Variants in COPG1 observed in about 807,000 individuals in gnomAD.
The protein encoded by COPG1 is coat protein complex I subunit gamma 1, also known as coatomer subunit gamma-1.
A neutral mutation model predicts 102.8 loss-of-function variants in COPG1; 29 were observed. The observed-to-expected ratio is 0.28, with a 90% CI of 0.21 to 0.38. The LOEUF (loss-of-function observed/expected upper bound fraction) is 0.38. COPG1 is among the 10% of genes least tolerant of loss of function. COPG1 has a pLI of 1.00. For missense variants in COPG1, 875 were observed against 1,132.7 expected, an observed-to-expected ratio of 0.77 and a Z score of 3.27; for synonymous variants, 406 against 421.6, an observed-to-expected ratio of 0.96 and a Z score of 0.45.
At position 129,277,393 on chromosome 3, in the gene COPG1, C is replaced by A; in HGVS notation, c.2594C>A (p.Pro865Gln). 1 of 1,613,924 alleles carries A rather than the reference C, an allele frequency of 6.2e-7. No individual in the cohort carries two copies. The highest frequency in any genetic ancestry group is 8.5e-7 in the Non-Finnish European group (1 of 1,179,952). ...QVTARSLEEL[P>Q]VDIILASVG ...ACAGCCAGAAGTTTGGAGGAGCTGCCAGTAGACATCATCTTGGCATCTGTG... is the reference window on the plus strand; with the variant it reads ...ACAGCCAGAAGTTTGGAGGAGCTGCAAGTAGACATCATCTTGGCATCTGTG... Residue 865 changes from proline to glutamine, a missense_variant, in exon 24 of 24, where the codon CCA becomes CAA. Physicochemically the swap from Pro to Gln is moderately conservative, Grantham distance 76 (BLOSUM62 -1). Transcript: ENST00000314797.
rs6439163 is a variant in COPG1, at chr3:129,271,574, A to G, written c.1844-193A>G. ...GAGTATTTGTGGGGGGTTGTGCCAC[A>G]TGAGCGAAGTCAGGGAGATGAGAAA... is the stretch of plus-strand genomic sequence containing the variant. On this transcript the variant is annotated intron_variant, in intron 18 of 23. Transcript: ENST00000314797. The surrounding 1 kb of genome is among the most constrained non-coding windows in gnomAD (Gnocchi z 4.7). Among the ~76,000 whole-genome samples, 16,304 of 152,166 alleles carry G rather than the reference A, an allele frequency of 0.11. 2,467 individuals are homozygous for G. Among genetic ancestry groups the G allele is most frequent in the African/African-American group, 0.34 (13,910 of 41,422 alleles).
intron 5 of COPG1, among the ~76,000 whole-genome samples, chr3:129,253,868 C>T (rs1483749201): frequency 1.3e-5 from 2 of 151,956 alleles, no homozygotes; most frequent in East Asian, 1.9e-4. Context: ...GGTGTGGTGG[C>T]GCACACCTAT....
chr3:129,265,959 A>G (rs1369937491), intron 14 of COPG1, among the ~76,000 whole-genome samples, 167 bp downstream of exon 14: 1 of 150,504 alleles, frequency 6.6e-6, no homozygotes, highest in Non-Finnish European at 1.5e-5. Flanking sequence ...CTAGTTGAAC[A>G]GTTCTTTGTT....
Position 129,260,634 on chromosome 3 carries a change from C to T in COPG1, c.955C>T (p.Pro319Ser). ...CCCAAAACAGGTTGCCATGAAGCATCCGTCAGCTGTGACAGCTTGTAATCT... is the reference window on the plus strand; with the variant it reads ...CCCAAAACAGGTTGCCATGAAGCATTCGTCAGCTGTGACAGCTTGTAATCT... ...RTLNKVAMKH[P>S]SAVTACNLDL... The change falls in exon 12 of 24, where the codon CCG (proline) becomes TCG (serine). Residue 319 changes from proline to serine, a missense_variant. By Grantham distance (74) the Pro-to-Ser change is moderately conservative. Transcript: ENST00000314797. 6.2e-7 allele frequency: 1 copy of T among 1,614,166 alleles called. No homozygotes were observed. The highest frequency in any genetic ancestry group is 8.5e-7 in the Non-Finnish European group (1 of 1,180,028).
chr3:129,255,922 G>T, intron 7 of COPG1, 146 bp from the exon 8 acceptor site: 1 of 617,884 alleles, frequency 1.6e-6, no homozygotes, highest in Non-Finnish European at 2.9e-6. Context: ...ATTGAGGGTG[G>T]GAGCATCCTG....
In COPG1 at chr3:129,257,602, A is replaced by C. The variant is rs747788979; in HGVS notation, c.712A>C (p.Lys238Gln). Reference protein sequence around the residue: ...AYCMMIRVASKQLEEEDGSRD... With the variant: ...AYCMMIRVASQQLEEEDGSRD... ...CTGCATGATGATCCGGGTGGCCAGC[A>C]AGCAGCTGGAAGAGGAGGATGGCAG... Residue 238 changes from lysine (K) to glutamine (Q), a missense_variant, in exon 9 of 24, where the codon AAG (lysine) becomes CAG (glutamine). Coordinates refer to ENST00000314797, the MANE Select transcript of COPG1 (RefSeq NM_016128.4). The C allele has an allele frequency of 6.2e-7, 1 of 1,614,198 alleles. No homozygotes were observed. The highest frequency in any genetic ancestry group is 1.1e-5 in the South Asian group (1 of 91,084).
At chr3:129,250,963 G>C in intron 2 of COPG1, 1 of 401,378 alleles carries the variant, frequency 2.5e-6, no homozygotes, top group East Asian at 5.0e-5. Context: ...TTGCTCTGTC[G>C]CTCAGGCTGG....
chr3:129,272,589 T>A (rs1463690563), intron 20 of COPG1, among the ~76,000 whole-genome samples, 174 bp downstream of exon 20: 1 of 152,078 alleles, frequency 6.6e-6, no homozygotes, highest in Non-Finnish European at 1.5e-5. Context: ...TTTTTTTTTT[T>A]AAAGAGACAG....
rs908527658 is a variant in COPG1, at chr3:129,249,648, C to G, written c.-62C>G. Reference sequence around the variant, plus strand: ...GGTCCCTGTAGAACCACTGTGGCACCGCTACTCCGTGCCGCGCCCGTCGAG... The same window carrying G: ...GGTCCCTGTAGAACCACTGTGGCACGGCTACTCCGTGCCGCGCCCGTCGAG... On this transcript the variant is annotated 5_prime_UTR_variant, in exon 1 of 24. Coordinates refer to ENST00000314797, the MANE Select transcript of COPG1 (RefSeq NM_016128.4). 1.9e-6 allele frequency: 3 copies of G among 1,538,748 alleles called. No individual in the cohort carries two copies. Among genetic ancestry groups the G allele is most frequent in the South Asian group, 2.4e-5 (2 of 83,570 alleles).
chr3:129,263,869 A>G, intron 12 of COPG1, 35 bp from the exon 13 acceptor site: 1 of 1,585,512 alleles, frequency 6.3e-7, no homozygotes, highest in East Asian at 2.2e-5. Flanking sequence ...TCTTGGTGGC[A>G]GGGCCTGCTG....
At chr3:129,260,134 C>T (rs1156315429) in intron 10 of COPG1, 199 bp from the exon 11 acceptor site, 3 of 601,752 alleles carry the variant, frequency 5.0e-6, no homozygotes, top group Non-Finnish European at 5.9e-6. Flanking sequence ...ACTGGAACCC[C>T]TGGGTGCTCA....
chr3:129,257,340 C>A (rs1939829917), intron 8 of COPG1, 130 bp from the exon 9 acceptor site: 1 of 919,830 alleles, frequency 1.1e-6, no homozygotes, highest in Non-Finnish European at 1.7e-6. Context: ...GTTGTCACAG[C>A]CACTCTGTGT....
At chr3:129,258,485 TCTCACTATGTCGC>T (rs1436199542) in intron 10 of COPG1, among the ~76,000 whole-genome samples, 1 of 152,186 alleles carries the variant, frequency 6.6e-6, no homozygotes. Flanking sequence ...TGAGACGGAG[TCTCACTATGTCGC>T]CCAGGCTGGA....
Position 129,271,900 on chromosome 3 carries a change from G to A in COPG1, c.1977G>A (p.Met659Ile), listed in dbSNP as rs748927569. 1.9e-6 allele frequency: 3 copies of A among 1,613,878 alleles called. No individual in the cohort carries two copies. The highest frequency in any genetic ancestry group is 2.5e-6 in the Non-Finnish European group (3 of 1,179,984). The change falls in exon 19 of 24, where the codon ATG (methionine) becomes ATA (isoleucine). Residue 659 changes from methionine (M) to isoleucine (I), a missense_variant. Met to Ile is a conservative substitution (Grantham distance 10). Transcript: ENST00000314797. This position sits in a 1 kb window ranked among gnomAD's most constrained non-coding sequence, Gnocchi z 4.7. The stretch of plus-strand genomic sequence containing the variant: ...CCAAACACACCTTCACCAACCACAT[G>A]GTTTTTCAGGTGAGCAAGGTGGGCT... ...RCTKHTFTNH[M>I]VFQFDCTNTL...
chr3:129,253,383 C>T (rs1016278381), intron 5 of COPG1, among the ~76,000 whole-genome samples: 1 of 152,152 alleles, frequency 6.6e-6, no homozygotes, highest in African/African-American at 2.4e-5. Context: ...TCTCTTATTT[C>T]TTCCTGCCAC....
chr3:129,268,506 T>A lies in COPG1; in HGVS notation c.1660T>A (p.Ser554Thr). ...AGYILNGLTVSIPGLERALQQ... is the reference protein window; with the variant it reads ...AGYILNGLTVTIPGLERALQQ... Reference sequence around the variant, plus strand: ...CTCTTCACCTCCAGGTCTGACTGTGTCCATCCCTGGTCTGGAGAGGGCTCT... The same window carrying A: ...CTCTTCACCTCCAGGTCTGACTGTGACCATCCCTGGTCTGGAGAGGGCTCT... Residue 554 changes from serine to threonine, a missense_variant, in exon 17 of 24, where the codon TCC becomes ACC. Transcript: ENST00000314797. 6.2e-7 allele frequency: 1 copy of A among 1,614,186 alleles called. No individual in the cohort carries two copies. The highest frequency in any genetic ancestry group is 8.5e-7 in the Non-Finnish European group (1 of 1,180,010).
At position 129,265,712 on chromosome 3, in the gene COPG1, G is replaced by A; in HGVS notation, c.1388G>A (p.Gly463Glu). 1.2e-6 allele frequency: 2 copies of A among 1,614,128 alleles called. No homozygotes were observed. The highest frequency in any genetic ancestry group is 1.7e-6 in the Non-Finnish European group (2 of 1,180,012). ...ATTCTACATCTCCTGGGCCAGGAGG[G>A]GCCCAAGACCACCAATCCCTCAAAG... ...TRILHLLGQE[G>E]PKTTNPSKYI... is the part of the protein sequence containing the mutation. The change falls in exon 14 of 24, where the codon GGG (glycine) becomes GAG (glutamate). Residue 463 changes from glycine to glutamate, a missense_variant. By Grantham distance (98) the Gly-to-Glu change is moderately conservative. Coordinates refer to ENST00000314797, the MANE Select transcript of COPG1 (RefSeq NM_016128.4).
chr3:129,250,549 G>C, intron 1 of COPG1, 133 bp from the exon 2 acceptor site: 1 of 699,950 alleles, frequency 1.4e-6, no homozygotes, highest in Non-Finnish European at 2.5e-6. Flanking sequence ...GATTGTAGAG[G>C]CTTGATTGCC....
chr3:129,264,083 C>T (rs747710092), intron 13 of COPG1, 84 bp downstream of exon 13: 19 of 1,153,698 alleles, frequency 1.6e-5, no homozygotes, highest in Admixed American at 5.4e-5. Flanking sequence ...CAGCTTTGTG[C>T]GTGTGCTTAT....
Sources: allele counts gnomAD v4.1 joint callset (sites outside exome capture counted in the v4.1 genomes callset), GRCh38; gene constraint gnomAD v4.1.1; non-coding constraint Gnocchi (gnomAD v3.1); transcripts MANE v1.5; gene names NCBI Gene and HGNC (gene_info 2026-07-23, HGNC 2026-07-21).